BTBD9: variants seen among roughly 807,000 people sequenced by gnomAD.
BTBD9 encodes BTB/POZ domain-containing protein 9.
BTBD9 carries 49 observed loss-of-function variants against 64.3 expected under a neutral mutation model. The observed-to-expected ratio is 0.76, with a 90% CI of 0.61 to 0.97. BTBD9 has a LOEUF of 0.97. Among genes scored for constraint, BTBD9 ranks in the 50% least tolerant of loss-of-function variants. BTBD9 has a pLI of 0.00. For missense variants in BTBD9, 598 were observed against 762.1 expected (o/e 0.78, Z 2.53); for synonymous variants, 260 against 274.7 (o/e 0.95, Z 0.53).
At chr6:38,547,348 T>C (rs1261975094) in intron 6 of BTBD9, among the ~76,000 whole-genome samples, 3 of 152,146 alleles carry the variant, frequency 2.0e-5, no homozygotes, top group African/African-American at 7.2e-5. Flanking sequence ...GAGGATCGCT[T>C]AAGCCTGGGA....
intron 9 of BTBD9, among the ~76,000 whole-genome samples, chr6:38,250,175 G>A (rs1764344056): frequency 6.6e-6 from 1 of 152,086 alleles, no homozygotes; most frequent in African/African-American, 2.4e-5. Flanking sequence ...TTTTAAAACT[G>A]TTTACCCACA....
Position 38,346,777 on chromosome 6 carries a change from A to C in BTBD9, c.1155-1684T>G, listed in dbSNP as rs116051571. On this transcript the variant is annotated intron_variant, in intron 6 of 10. Transcript: ENST00000481247. ...CCTTGGCCTGAATCTAATTTTGTCCATTTCCTTAAACCCACAGGAACTCAA... is the reference window on the plus strand; with the variant it reads ...CCTTGGCCTGAATCTAATTTTGTCCCTTTCCTTAAACCCACAGGAACTCAA... Among the ~76,000 whole-genome samples, 1,109 of 152,258 alleles carry C rather than the reference A, an allele frequency of 7.3e-3. 11 individuals are homozygous for C. Among genetic ancestry groups the C allele is most frequent in the Non-Finnish European group, 0.01 (703 of 68,008 alleles).
intron 1 of BTBD9, among the ~76,000 whole-genome samples, chr6:38,604,369 CATGT>C (rs1462636917): frequency 2.6e-5 from 4 of 152,192 alleles, no homozygotes; most frequent in African/African-American, 9.7e-5. Context: ...ATTAAGCATG[CATGT>C]AATTCCAATT....
intron 6 of BTBD9, among the ~76,000 whole-genome samples, chr6:38,498,397 A>G (rs1303543390): frequency 6.7e-6 from 1 of 149,384 alleles, no homozygotes; most frequent in Non-Finnish European, 1.5e-5. Flanking sequence ...AATTTCTTTC[A>G]TTATTTAGAG....
chr6:38,519,058 A>C (rs1773170802), intron 6 of BTBD9, among the ~76,000 whole-genome samples: 1 of 152,196 alleles, frequency 6.6e-6, no homozygotes, highest in African/African-American at 2.4e-5. Context: ...CACTAAATTC[A>C]ATTAGTGTAA....
intron 9 of BTBD9, among the ~76,000 whole-genome samples, chr6:38,222,784 G>C (rs532926210): frequency 2.6e-5 from 4 of 152,248 alleles, no homozygotes; most frequent in Admixed American, 2.0e-4. Flanking sequence ...AGACAAACAG[G>C]CAAAACATAT....
At chr6:38,381,620 C>T (rs1468927291) in intron 6 of BTBD9, among the ~76,000 whole-genome samples, 1 of 152,054 alleles carries the variant, frequency 6.6e-6, no homozygotes, top group Non-Finnish European at 1.5e-5. Context: ...GAATAATGTT[C>T]TCAATAACTG....
At chr6:38,213,466 C>T (rs1438950276) in intron 9 of BTBD9, among the ~76,000 whole-genome samples, 1 of 152,128 alleles carries the variant, frequency 6.6e-6, no homozygotes, top group East Asian at 1.9e-4. Flanking sequence ...ATTTAACACA[C>T]TGGAATCTCT....
chr6:38,604,600 T>C (rs1426258533), intron 1 of BTBD9, among the ~76,000 whole-genome samples: 2 of 152,342 alleles, frequency 1.3e-5, no homozygotes, highest in Non-Finnish European at 2.9e-5. Flanking sequence ...ATGTAAATTC[T>C]AAAACTCATA....
At chr6:38,339,472 AAAAAGAAAAAGAAAAT>A (rs1369567228) in intron 7 of BTBD9, among the ~76,000 whole-genome samples, 1 of 151,974 alleles carries the variant, frequency 6.6e-6, no homozygotes, top group Non-Finnish European at 1.5e-5. Flanking sequence ...CTGTCTCAAG[AAAAAGAAAAAGAAAAT>A]AAAAGAAAAA....
chr6:38,379,789 G>A (rs1477384385), intron 6 of BTBD9, among the ~76,000 whole-genome samples: 1 of 152,164 alleles, frequency 6.6e-6, no homozygotes, highest in Admixed American at 6.5e-5. Flanking sequence ...CATGACCACA[G>A]TGAAAATTAC....
chr6:38,554,426 C>T (rs527514550), intron 6 of BTBD9, among the ~76,000 whole-genome samples: 3 of 152,188 alleles, frequency 2.0e-5, no homozygotes, highest in Non-Finnish European at 4.4e-5. Context: ...ACTTAACTAA[C>T]GTGTTGCTAT....
intron 9 of BTBD9, among the ~76,000 whole-genome samples, chr6:38,235,630 G>A (rs1763750650): frequency 6.6e-6 from 1 of 152,150 alleles, no homozygotes; most frequent in African/African-American, 2.4e-5. Flanking sequence ...CAAATGTAGG[G>A]TGCACACCAG....
chr6:38,534,952 T>G (rs9470894), intron 6 of BTBD9, among the ~76,000 whole-genome samples: 136 of 152,194 alleles, frequency 8.9e-4, no homozygotes, highest in African/African-American at 2.7e-3. Flanking sequence ...TCTTCTAAGA[T>G]CTGGAACATG....
intron 6 of BTBD9, among the ~76,000 whole-genome samples, chr6:38,508,882 T>C (rs1214439009): frequency 1.3e-5 from 2 of 152,144 alleles, no homozygotes; most frequent in African/African-American, 4.8e-5. Context: ...ACCGTAACCT[T>C]CTAAGACTAA....
intron 7 of BTBD9, among the ~76,000 whole-genome samples, chr6:38,317,465 A>G (rs953166088): frequency 1.3e-5 from 2 of 151,990 alleles, no homozygotes; most frequent in Non-Finnish European, 2.9e-5. Context: ...TGATTATTAA[A>G]TGCCTTGAGG....
chr6:38,570,837 A>C (rs534778542), intron 6 of BTBD9, among the ~76,000 whole-genome samples: 2 of 152,352 alleles, frequency 1.3e-5, no homozygotes, highest in South Asian at 4.1e-4. Context: ...TAAATAGTAC[A>C]AATAGTTTCA....
In BTBD9 at chr6:38,218,305, G is replaced by A. The variant is rs184453465; in HGVS notation, c.1563-25708C>T. ...AAACCATTCTTAGCTTTGTACTAAA[G>A]CAGATTGCGGACAACTTTGGCCCTA... On this transcript the variant is annotated intron_variant, in intron 9 of 10. Coordinates refer to ENST00000481247, the MANE Select transcript of BTBD9 (RefSeq NM_001099272.2). Among the ~76,000 whole-genome samples the A allele has an allele frequency of 2.7e-3, 406 of 152,306 alleles. 2 individuals are homozygous for A. Among genetic ancestry groups the A allele is most frequent in the South Asian group, 0.016 (79 of 4,826 alleles).
chr6:38,220,170 C>G (rs1763152540), intron 9 of BTBD9, among the ~76,000 whole-genome samples: 1 of 152,188 alleles, frequency 6.6e-6, no homozygotes, highest in Admixed American at 6.5e-5. Flanking sequence ...GGGGGACATG[C>G]CCTAGATGGT....
Sources: allele counts gnomAD v4.1 joint callset (sites outside exome capture counted in the v4.1 genomes callset), GRCh38; gene constraint gnomAD v4.1.1; transcripts MANE v1.5; gene names NCBI Gene and HGNC (gene_info 2026-07-23, HGNC 2026-07-21).